Variants in SLC25A16 observed in about 807,000 individuals in gnomAD.
SLC25A16 encodes the protein solute carrier family 25 member 16, also known as mitochondrial coenzyme A transporter SLC25A16.
Under a neutral mutation model 41.5 loss-of-function variants are expected in SLC25A16, and 39 were observed. That is an observed-to-expected ratio of 0.94 (90% CI 0.73 to 1.23). The LOEUF (loss-of-function observed/expected upper bound fraction) is 1.23. SLC25A16 is among the 50% of genes most tolerant of loss of function. The pLI, the probability that SLC25A16 is intolerant of heterozygous loss-of-function variation, is 0.00. For missense variants in SLC25A16, 421 were observed against 426.9 expected (o/e 0.99, Z 0.12); for synonymous variants, 146 against 147.8 (o/e 0.99, Z 0.09).
chr10:68,500,166 C>T (rs1453410670), intron 4 of SLC25A16, among the ~76,000 whole-genome samples: 1 of 152,074 alleles, frequency 6.6e-6, no homozygotes. Flanking sequence ...ATTAAAAACA[C>T]CACTTTTTAC....
intron 1 of SLC25A16, among the ~76,000 whole-genome samples, chr10:68,521,412 C>T (rs2053247291): frequency 6.6e-6 from 1 of 151,890 alleles, no homozygotes; most frequent in Non-Finnish European, 1.5e-5. Context: ...ACCTGTAATC[C>T]CAACTACTGT....
At position 68,478,731 on chromosome 10, in the gene SLC25A16, A is replaced by G. The variant is rs1306223060; in HGVS notation, c.*4701T>C. 17 of 150,180 alleles carry G rather than the reference A, an allele frequency of 1.1e-4. No homozygotes were observed. Among genetic ancestry groups the G allele is most frequent in the Non-Finnish European group, 1.5e-5 (1 of 67,610 alleles). The allele number at this position is 150,180 out of a possible 1,614,324, so 9.3% of individuals were successfully genotyped here. On this transcript the variant is annotated 3_prime_UTR_variant, in exon 9 of 9. Coordinates refer to ENST00000609923, the MANE Select transcript of SLC25A16 (RefSeq NM_152707.4). ...ATATATATATATGATATGTATACAT[A>G]TATTTTTTATTTTATATATTCATTT...
chr10:68,509,956 A>G (rs1431795823), intron 2 of SLC25A16, among the ~76,000 whole-genome samples: 1 of 151,764 alleles, frequency 6.6e-6, no homozygotes, highest in Non-Finnish European at 1.5e-5. Context: ...ACATGCCCGT[A>G]ATCCCAGCTA....
intron 4 of SLC25A16, among the ~76,000 whole-genome samples, chr10:68,502,824 G>A (rs1353531252): frequency 2.3e-5 from 1 of 43,684 alleles, no homozygotes. Flanking sequence ...GGAAAGGAGG[G>A]GGAGGGGAGG....
chr10:68,493,132 C>T lies in SLC25A16; in HGVS notation c.610G>A (p.Gly204Ser), dbSNP rs763445362. Reference protein sequence around the residue: ...PTILGMAPYAGVSFFTFGTLK... With the variant: ...PTILGMAPYASVSFFTFGTLK... ...GGATTCTGGCAAATTTGAAACATAC[C>T]TGCATATGGAGCCATTCCTAAAATA... Residue 204 changes from glycine (G) to serine (S), a missense_variant and splice_region_variant, in exon 6 of 9, where the codon GGT becomes AGT. Physicochemically the swap from Gly to Ser is moderately conservative, Grantham distance 56. Coordinates refer to ENST00000609923, the MANE Select transcript of SLC25A16 (RefSeq NM_152707.4). The T allele has an allele frequency of 6.4e-7, 1 of 1,570,400 alleles. No homozygotes were observed. Among genetic ancestry groups the T allele is most frequent in the East Asian group, 2.3e-5 (1 of 44,342 alleles).
chr10:68,496,147 G>A (rs2052747279), intron 4 of SLC25A16, among the ~76,000 whole-genome samples: 1 of 151,960 alleles, frequency 6.6e-6, no homozygotes, highest in African/African-American at 2.4e-5. Flanking sequence ...TCTGTCTCCT[G>A]CACATCAAAG....
At position 68,502,123 on chromosome 10, in the gene SLC25A16, AGGCAG is replaced by A. The variant is rs1374852287; in HGVS notation, c.421+1504_421+1508del. ...GGCAGGAGGATTGCTTGAACCTGGG[AGGCAG>A]AGGTTGCAGTGAGCTGAGATTGTGG... On this transcript the variant is annotated intron_variant, in intron 4 of 8. Transcript: ENST00000609923. Among the ~76,000 whole-genome samples, 4 of 13,114 alleles carry A rather than the reference AGGCAG, an allele frequency of 3.1e-4. No individual in the cohort carries two copies. In the East Asian group the frequency reaches 0.027, roughly 89 times the overall value. 8.6% of individuals were successfully genotyped at this position (13,114 alleles called of 152,430 possible).
chr10:68,489,055 A>C (rs2052612808), intron 6 of SLC25A16, among the ~76,000 whole-genome samples: 2 of 152,184 alleles, frequency 1.3e-5, no homozygotes, highest in South Asian at 4.1e-4. Flanking sequence ...GGATTACCTG[A>C]GGTCAGGCGT....
At chr10:68,511,421 T>C (rs539948805) in intron 2 of SLC25A16, among the ~76,000 whole-genome samples, 1 of 152,278 alleles carries the variant, frequency 6.6e-6, no homozygotes, top group South Asian at 2.1e-4. Flanking sequence ...CAGGGTACAC[T>C]GTAACCCACG....
rs967509187 is a variant in SLC25A16 at position 68,480,782 on chromosome 10, C to T, written c.*2650G>A. ...AAGTGCTGAGATTACAGGGGTGAGCCACCATGCCCGGCTCAATACTTATTT... is the reference window on the plus strand; with the variant it reads ...AAGTGCTGAGATTACAGGGGTGAGCTACCATGCCCGGCTCAATACTTATTT... On this transcript the variant is annotated 3_prime_UTR_variant, in exon 9 of 9. Coordinates refer to ENST00000609923, the MANE Select transcript of SLC25A16 (RefSeq NM_152707.4). 1 of 151,986 alleles carries T rather than the reference C, an allele frequency of 6.6e-6. No individual in the cohort carries two copies. Among genetic ancestry groups the T allele is most frequent in the Non-Finnish European group, 1.5e-5 (1 of 68,016 alleles). 9.4% of individuals were successfully genotyped at this position (151,986 alleles called of 1,614,324 possible).
At chr10:68,494,854 G>C (rs1451822158) in intron 4 of SLC25A16, among the ~76,000 whole-genome samples, 1 of 150,724 alleles carries the variant, frequency 6.6e-6, no homozygotes, top group Non-Finnish European at 1.5e-5. Context: ...ACTCCAGCCC[G>C]GGCGACAAGA....
intron 1 of SLC25A16, among the ~76,000 whole-genome samples, chr10:68,520,291 G>A (rs1330741339): frequency 6.6e-6 from 1 of 152,096 alleles, no homozygotes; most frequent in South Asian, 2.1e-4. Context: ...TTCACACTAC[G>A]ATAGTCCCCC....
intron 2 of SLC25A16, among the ~76,000 whole-genome samples, chr10:68,510,799 C>T (rs12783016): frequency 5.9e-5 from 9 of 152,032 alleles, no homozygotes; most frequent in Non-Finnish European, 1.0e-4. Flanking sequence ...GATCATGCCA[C>T]TGCACTCCCG....
chr10:68,497,601 A>C (rs1295590674), intron 4 of SLC25A16, among the ~76,000 whole-genome samples: 1 of 149,260 alleles, frequency 6.7e-6, no homozygotes, highest in Non-Finnish European at 1.5e-5. Context: ...CTTACTTCTA[A>C]CATCTTTTTT....
chr10:68,508,586 C>T (rs146408537), intron 2 of SLC25A16, among the ~76,000 whole-genome samples: 3,608 of 151,558 alleles, frequency 0.024, 153 homozygotes, highest in African/African-American at 0.083. Flanking sequence ...GGCATGGTGG[C>T]GGGTGCCTGT....
chr10:68,506,617 T>C lies in SLC25A16; in HGVS notation c.325A>G (p.Ile109Val), dbSNP rs780494064. 7 of 1,602,836 alleles carry C rather than the reference T, an allele frequency of 4.4e-6. No homozygotes were observed. In the South Asian group the frequency reaches 6.8e-5, roughly 16 times the overall value. ...MMIRIFPYGA[I>V]QFMAFEHYKT... ...TAATGCTCAAATGCCATAAACTGGA[T>C]TGCACCATAGGGAAAGATTCGAATC... is the stretch of plus-strand genomic sequence containing the variant. The change falls in exon 3 of 9, where the codon ATC (isoleucine) becomes GTC (valine). Residue 109 changes from isoleucine to valine, a missense_variant. Physicochemically the swap from Ile to Val is conservative, Grantham distance 29. Transcript: ENST00000609923.
chr10:68,514,547 C>T (rs2053126674), intron 2 of SLC25A16, among the ~76,000 whole-genome samples: 1 of 152,176 alleles, frequency 6.6e-6, no homozygotes. Flanking sequence ...TCATTGACCA[C>T]ATTTCTGTTT....
intron 6 of SLC25A16, 114 bp downstream of exon 6, chr10:68,493,017 CT>C (rs1289872778): frequency 1.5e-6 from 1 of 671,176 alleles, no homozygotes; most frequent in Non-Finnish European, 2.6e-6. Context: ...TAAATCATTT[CT>C]TATTAAAAGT....
chr10:68,482,302 A>T lies in SLC25A16; in HGVS notation c.*1130T>A, dbSNP rs2052492421. On this transcript the variant is annotated 3_prime_UTR_variant, in exon 9 of 9. Coordinates refer to ENST00000609923, the MANE Select transcript of SLC25A16 (RefSeq NM_152707.4). ...TAAATATTCCCTTCCCATTTATGACACGCTTATAATAAATCATAAAAAGTA... is the reference window on the plus strand; with the variant it reads ...TAAATATTCCCTTCCCATTTATGACTCGCTTATAATAAATCATAAAAAGTA... The T allele has an allele frequency of 6.6e-6, 1 of 152,334 alleles. No individual in the cohort carries two copies. Among genetic ancestry groups the T allele is most frequent in the African/African-American group, 2.4e-5 (1 of 41,438 alleles). 9.4% of individuals were successfully genotyped at this position (152,334 alleles called of 1,614,324 possible).
Sources: allele counts gnomAD v4.1 joint callset (sites outside exome capture counted in the v4.1 genomes callset), GRCh38; gene constraint gnomAD v4.1.1; transcripts MANE v1.5; gene names NCBI Gene and HGNC (gene_info 2026-07-23, HGNC 2026-07-21).